The following LSM11 variants were observed in gnomAD, a reference collection of about 807,000 sequenced individuals.
The protein encoded by LSM11 is LSM11, U7 small nuclear RNA associated.
A neutral mutation model predicts 28.1 loss-of-function variants in LSM11; 14 were observed. That is an observed-to-expected ratio of 0.50 (90% CI 0.33 to 0.78). LSM11 has a LOEUF of 0.78. LSM11 is among the 30% of genes least tolerant of loss of function. The pLI, the probability that LSM11 is intolerant of heterozygous loss-of-function variation, is 0.02. For missense variants in LSM11, 495 were observed against 510.6 expected, an observed-to-expected ratio of 0.97 and a Z score of 0.30; for synonymous variants, 207 against 214.2, an observed-to-expected ratio of 0.97 and a Z score of 0.30.
intron 1 of LSM11, among the ~76,000 whole-genome samples, chr5:157,748,245 T>C (rs1397418575): frequency 6.6e-6 from 1 of 152,180 alleles, no homozygotes; most frequent in East Asian, 1.9e-4. Context: ...CTTAATAGGT[T>C]ATGGAATCTG....
Position 157,760,598 on chromosome 5 carries a change from C to T in LSM11, c.*5334C>T, listed in dbSNP as rs1299461358. 6.6e-6 allele frequency: 1 copy of T among 152,192 alleles called. No homozygotes were observed. The highest frequency in any genetic ancestry group is 2.4e-5 in the African/African-American group (1 of 41,446). The allele number at this position is 152,192 out of a possible 1,614,324, so 9.4% of individuals were successfully genotyped here. A position where few individuals can be genotyped will look rare whatever the true frequency, so the allele number is the denominator to read the frequency against. On this transcript the variant is annotated 3_prime_UTR_variant, in exon 4 of 4. Coordinates refer to ENST00000286307, the MANE Select transcript of LSM11 (RefSeq NM_173491.4). ...CTCCTAATTGCTAAATTAACTGAAA[C>T]CCTTCCTGTCTAGGGAGAATTGCTG...
At chr5:157,754,784 T>C in intron 3 of LSM11, 70 bp from the exon 4 acceptor site, 1 of 1,404,900 alleles carries the variant, frequency 7.1e-7, no homozygotes, top group Non-Finnish European at 9.6e-7. Context: ...ATTTGGTCTT[T>C]TTCTGTATGT....
At chr5:157,754,154 G>T in intron 3 of LSM11, 67 bp downstream of exon 3, 1 of 1,094,908 alleles carries the variant, frequency 9.1e-7, no homozygotes, top group South Asian at 1.8e-5. Flanking sequence ...TAAGATCCCT[G>T]AGCCCAGTGA....
chr5:157,750,189 T>C (rs1761209752), intron 1 of LSM11, among the ~76,000 whole-genome samples: 1 of 152,164 alleles, frequency 6.6e-6, no homozygotes, highest in African/African-American at 2.4e-5. Flanking sequence ...AGGTCAAGGC[T>C]GGAGTGAGCT....
Position 157,757,284 on chromosome 5 carries a change from G to A in LSM11, c.*2020G>A, listed in dbSNP as rs1761342460. Reference sequence around the variant, plus strand: ...CCATATTCCATTCCTTCCTCCTAAGGGACAATGGAAGTTCTCAGAAGAGTA... The same window carrying A: ...CCATATTCCATTCCTTCCTCCTAAGAGACAATGGAAGTTCTCAGAAGAGTA... On this transcript the variant is annotated 3_prime_UTR_variant, in exon 4 of 4. Transcript: ENST00000286307. The A allele has an allele frequency of 6.6e-6, 1 of 152,114 alleles. No individual in the cohort carries two copies. The highest frequency in any genetic ancestry group is 6.6e-5 in the Admixed American group (1 of 15,266). The allele number at this position is 152,114 out of a possible 1,614,324, so 9.4% of individuals were successfully genotyped here.
chr5:157,750,803 A>G (rs1317234015), intron 1 of LSM11, among the ~76,000 whole-genome samples: 7 of 152,156 alleles, frequency 4.6e-5, no homozygotes, highest in Non-Finnish European at 1.0e-4. Context: ...GTTTCTCAAG[A>G]TGGAGTCTTG....
intron 2 of LSM11, among the ~76,000 whole-genome samples, chr5:157,753,257 T>A (rs1043273270): frequency 6.6e-6 from 1 of 152,210 alleles, no homozygotes; most frequent in African/African-American, 2.4e-5. Flanking sequence ...CAAGATAATT[T>A]CTCTGAGCCT....
chr5:157,745,172 GA>G (rs1761129434), intron 1 of LSM11, among the ~76,000 whole-genome samples: 1 of 152,202 alleles, frequency 6.6e-6, no homozygotes, highest in South Asian at 2.1e-4. Context: ...AAGCAGTTCT[GA>G]CATCTGCCCT....
chr5:157,752,902 G>A (rs897925439), intron 2 of LSM11, among the ~76,000 whole-genome samples: 2 of 149,852 alleles, frequency 1.3e-5, no homozygotes, highest in African/African-American at 4.9e-5. Context: ...TTTTCCATAT[G>A]GTCTTCTATC....
Position 157,743,829 on chromosome 5 carries a change from A to G in LSM11, c.79A>G (p.Ser27Gly), listed in dbSNP as rs761244096. The G allele has an allele frequency of 1.3e-6, 2 of 1,538,974 alleles. No individual in the cohort carries two copies. The highest frequency in any genetic ancestry group is 1.2e-5 in the South Asian group (1 of 83,162). The change falls in exon 1 of 4, where the codon AGC becomes GGC. Residue 27 changes from serine (S) to glycine (G), a missense_variant. Physicochemically the swap from Ser to Gly is moderately conservative, Grantham distance 56. Transcript: ENST00000286307. ...ARPPSPRLDV[S>G]SDSFDPLLAL... ...CCCGCCCAGCCCGCGGCTGGATGTCAGCTCTGACAGCTTCGACCCGCTGCT... is the reference window on the plus strand; with the variant it reads ...CCCGCCCAGCCCGCGGCTGGATGTCGGCTCTGACAGCTTCGACCCGCTGCT...
At chr5:157,746,368 A>G (rs1761148490) in intron 1 of LSM11, among the ~76,000 whole-genome samples, 1 of 152,258 alleles carries the variant, frequency 6.6e-6, no homozygotes, top group African/African-American at 2.4e-5. Flanking sequence ...TCAGTGAAAC[A>G]TAATGAAGAA....
At position 157,743,861 on chromosome 5, in the gene LSM11, G is replaced by A. The variant is rs758170222; in HGVS notation, c.111G>A (p.Leu37=). 1.1e-5 allele frequency: 17 copies of A among 1,559,642 alleles called. No homozygotes were observed. Among genetic ancestry groups the A allele is most frequent in the Non-Finnish European group, 1.3e-5 (15 of 1,155,678 alleles). ...ACAGCTTCGACCCGCTGCTGGCCCTGTACGCGCCCCGCCTGCCTCCCATTC... is the reference window on the plus strand; with the variant it reads ...ACAGCTTCGACCCGCTGCTGGCCCTATACGCGCCCCGCCTGCCTCCCATTC... ...SSDSFDPLLA[L]YAPRLPPIPY... is the part of the protein sequence containing the mutation. Residue 37 remains leucine, a synonymous_variant, in exon 1 of 4, where the codon CTG becomes CTA. Coordinates refer to ENST00000286307, the MANE Select transcript of LSM11 (RefSeq NM_173491.4).
In LSM11 at chr5:157,750,413, C is replaced by G. The variant is rs114579227; in HGVS notation, c.449-977C>G. On this transcript the variant is annotated intron_variant, in intron 1 of 3. Coordinates refer to ENST00000286307, the MANE Select transcript of LSM11 (RefSeq NM_173491.4). ...AGCTGAAATTTATAGTCTCAATATT[C>G]TTCCTATGAGTCATTATCCTGCTCT... Among the ~76,000 whole-genome samples, 635 of 152,354 alleles carry G rather than the reference C, an allele frequency of 4.2e-3. 2 individuals carry two copies. The highest frequency in any genetic ancestry group is 0.013 in the African/African-American group (533 of 41,582).
chr5:157,752,162 C>CT (rs3045954), intron 2 of LSM11, among the ~76,000 whole-genome samples: 4,404 of 140,080 alleles, frequency 0.031, 233 homozygotes, highest in African/African-American at 0.1. Context: ...TGCATGATGT[C>CT]TTTTTTTTTT....
chr5:157,744,036 A>G lies in LSM11; in HGVS notation c.286A>G (p.Thr96Ala). The G allele has an allele frequency of 2.8e-6, 4 of 1,413,460 alleles. No individual in the cohort carries two copies. The African/African-American group carries it at 4.6e-5, about 16-fold the overall frequency. The allele number at this position is 1,413,460 out of a possible 1,614,324, so 87.6% of individuals were successfully genotyped here. A position where few individuals can be genotyped will look rare whatever the true frequency, so the allele number is the denominator to read the frequency against. Residue 96 changes from threonine (T) to alanine (A), a missense_variant, in exon 1 of 4, where the codon ACT (threonine) becomes GCT (alanine). Physicochemically the swap from Thr to Ala is moderately conservative, Grantham distance 58. Coordinates refer to ENST00000286307, the MANE Select transcript of LSM11 (RefSeq NM_173491.4). ...VPAAPGPSGRTRRRPDAPAPD... is the reference protein window; with the variant it reads ...VPAAPGPSGRARRRPDAPAPD... Reference sequence around the variant, plus strand: ...CGCCGCACCCGGGCCCTCGGGCAGGACTCGTCGCCGCCCGGACGCGCCCGC... The same window carrying G: ...CGCCGCACCCGGGCCCTCGGGCAGGGCTCGTCGCCGCCCGGACGCGCCCGC...
chr5:157,748,121 G>A (rs1761173785), intron 1 of LSM11, among the ~76,000 whole-genome samples: 1 of 151,986 alleles, frequency 6.6e-6, no homozygotes, highest in South Asian at 2.1e-4. Flanking sequence ...AATCTGTCAT[G>A]GCACCCTTCT....
Position 157,755,550 on chromosome 5 carries a change from A to G in LSM11, c.*286A>G, listed in dbSNP as rs1761310694. ...CCTGAAACCAAATATCTGATCTTCC[A>G]TTAGACTTAGGGGTCATGATATGAG... On this transcript the variant is annotated 3_prime_UTR_variant, in exon 4 of 4. Transcript: ENST00000286307. 1 of 532,710 alleles carries G rather than the reference A, an allele frequency of 1.9e-6. No individual in the cohort carries two copies. Among genetic ancestry groups the G allele is most frequent in the African/African-American group, 1.9e-5 (1 of 52,606 alleles). 33.0% of individuals were successfully genotyped at this position (532,710 alleles called of 1,614,324 possible).
At chr5:157,749,337 A>T (rs184066541) in intron 1 of LSM11, among the ~76,000 whole-genome samples, 48 of 152,340 alleles carry the variant, frequency 3.2e-4, no homozygotes, top group African/African-American at 9.6e-4. Flanking sequence ...GTATATATGT[A>T]TGTGTAGGAA....
rs77274731 is a variant in LSM11 at position 157,751,787 on chromosome 5, T to G, written c.588+258T>G. On this transcript the variant is annotated intron_variant, in intron 2 of 3. Transcript: ENST00000286307. Reference sequence around the variant, plus strand: ...ACATTCATCAATGTCTGGGGACATTTTATTGTCACCACTATAGGAGAGGGT... The same window carrying G: ...ACATTCATCAATGTCTGGGGACATTGTATTGTCACCACTATAGGAGAGGGT... 8.5e-3 allele frequency among the ~76,000 whole-genome samples: 1,296 copies of G among 152,290 alleles called. 14 individuals are homozygous for G. Among genetic ancestry groups the G allele is most frequent in the African/African-American group, 0.03 (1,235 of 41,550 alleles).
Sources: gnomAD v4.1 joint callset for allele counts (sites outside exome capture counted in the v4.1 genomes callset) on GRCh38, gnomAD v4.1.1 for gene constraint, MANE v1.5 for transcripts, NCBI Gene and HGNC (gene_info 2026-07-23, HGNC 2026-07-21) for gene names.